CSMD2: variants seen among roughly 807,000 people sequenced by gnomAD.
CSMD2 encodes the protein CUB and sushi domain-containing protein 2.
In CSMD2, 130 loss-of-function variants were observed where a neutral mutation model predicts 398.5. The observed-to-expected ratio is 0.33, with a 90% CI of 0.28 to 0.38. CSMD2 has a LOEUF of 0.38. Ranked by LOEUF, CSMD2 falls within the 10% of genes least tolerant of loss-of-function variation. The probability of loss-of-function intolerance (pLI) is 1.00; values close to 1 mark genes in which losing one functional copy is unlikely to be tolerated. For synonymous variants in CSMD2, 1,828 were observed against 1,908.5 expected, an observed-to-expected ratio of 0.96 and a Z score of 1.10; for missense variants, 3,829 against 4,764.9, an observed-to-expected ratio of 0.80 and a Z score of 5.78.
chr1:33,621,766 G>A (rs1277102678), intron 37 of CSMD2, among the ~76,000 whole-genome samples: 1 of 152,210 alleles, frequency 6.6e-6, no homozygotes, highest in Non-Finnish European at 1.5e-5. Context: ...AAATCTGGTA[G>A]AAGATGAGTG....
rs1360419779 is a variant in CSMD2 at position 33,537,696 on chromosome 1, A to C, written c.9632-87T>G. ...CCACACCCCCATCTTTGTTCTTTGC[A>C]CTGCTCCCTTCCTGGTTGAGCTTGA... On this transcript the variant is annotated intron_variant, in intron 60 of 70. Transcript: ENST00000373381. This position sits in a 1 kb window ranked among gnomAD's most constrained non-coding sequence, Gnocchi z 4.6. 5.8e-6 allele frequency: 8 copies of C among 1,375,440 alleles called. No homozygotes were observed. Among genetic ancestry groups the C allele is most frequent in the Non-Finnish European group, 7.8e-6 (8 of 1,019,908 alleles). The allele number at this position is 1,375,440 out of a possible 1,614,324, so 85.2% of individuals were successfully genotyped here. A position where few individuals can be genotyped will look rare whatever the true frequency, so the allele number is the denominator to read the frequency against.
intron 4 of CSMD2, among the ~76,000 whole-genome samples, chr1:33,934,521 T>C (rs1480803094): frequency 1.3e-5 from 2 of 152,208 alleles, no homozygotes; most frequent in Admixed American, 1.3e-4. Context: ...ATTGATTGTT[T>C]TTCAAAGGTG....
intron 1 of CSMD2, among the ~76,000 whole-genome samples, chr1:34,138,506 A>G (rs1371627263): frequency 6.6e-6 from 1 of 152,218 alleles, no homozygotes; most frequent in Non-Finnish European, 1.5e-5. Flanking sequence ...AGAGACTTCA[A>G]TTAAGATTCT....
chr1:34,091,576 T>C (rs931365506), intron 1 of CSMD2, among the ~76,000 whole-genome samples: 3 of 152,096 alleles, frequency 2.0e-5, no homozygotes, highest in African/African-American at 7.2e-5. Flanking sequence ...AGGGATTAAC[T>C]GACAAAGGAC....
intron 62 of CSMD2, among the ~76,000 whole-genome samples, chr1:33,536,713 A>T (rs572108553): frequency 7.0e-6 from 1 of 142,128 alleles, no homozygotes; most frequent in South Asian, 2.4e-4. Context: ...GGGCACCGTG[A>T]GGACAGAGGT....
chr1:33,537,411 C>A lies in CSMD2; in HGVS notation c.9805+25G>T. The A allele has an allele frequency of 6.3e-7, 1 of 1,592,210 alleles. No homozygotes were observed. The highest frequency in any genetic ancestry group is 1.1e-5 in the South Asian group (1 of 88,678). ...GTCTCCCGCAACCCCAGCCAAGACGCTCCCTGCTCCAGATGACCTCTCACC... is the reference window on the plus strand; with the variant it reads ...GTCTCCCGCAACCCCAGCCAAGACGATCCCTGCTCCAGATGACCTCTCACC... On this transcript the variant is annotated intron_variant, in intron 61 of 70. Coordinates refer to ENST00000373381, the MANE Select transcript of CSMD2 (RefSeq NM_001281956.2). This position sits in a 1 kb window ranked among gnomAD's most constrained non-coding sequence, Gnocchi z 4.6.
intron 5 of CSMD2, among the ~76,000 whole-genome samples, chr1:33,904,992 A>T (rs1642999407): frequency 1.3e-5 from 2 of 151,394 alleles, no homozygotes; most frequent in African/African-American, 4.9e-5. Context: ...TTTTTAAGAG[A>T]CAGGGTCTCC....
At chr1:33,713,905 A>G (rs2149167323) in intron 21 of CSMD2, among the ~76,000 whole-genome samples, 1 of 152,330 alleles carries the variant, frequency 6.6e-6, no homozygotes, top group African/African-American at 2.4e-5. Flanking sequence ...GTATGCCTCA[A>G]CACTGCCTGA....
chr1:33,773,718 C>A (rs1651588576), intron 12 of CSMD2, among the ~76,000 whole-genome samples: 1 of 152,206 alleles, frequency 6.6e-6, no homozygotes, highest in South Asian at 2.1e-4. Context: ...AGAAGGGCGT[C>A]CTGCAGGATA....
chr1:34,054,488 G>A (rs12133541), intron 2 of CSMD2, among the ~76,000 whole-genome samples: 3,804 of 152,212 alleles, frequency 0.025, 92 homozygotes, highest in East Asian at 0.12. Context: ...TTGGGAGGCC[G>A]AGGTGGGCAG....
intron 4 of CSMD2, among the ~76,000 whole-genome samples, chr1:33,918,875 C>T (rs1345527850): frequency 6.6e-6 from 1 of 152,106 alleles, no homozygotes; most frequent in Non-Finnish European, 1.5e-5. Flanking sequence ...GTTGTGATAA[C>T]TGAATTAGAT....
At chr1:33,602,692 G>T in intron 42 of CSMD2, 146 bp from the exon 43 acceptor site, 1 of 658,320 alleles carries the variant, frequency 1.5e-6, no homozygotes, top group Non-Finnish European at 2.5e-6. Context: ...GCCAAGCTGA[G>T]GATGGCTGCA....
chr1:33,960,554 G>A (rs1645321510), intron 3 of CSMD2, among the ~76,000 whole-genome samples: 1 of 152,228 alleles, frequency 6.6e-6, no homozygotes, highest in African/African-American at 2.4e-5. Flanking sequence ...GGCTCATGGT[G>A]TTGTGGGGGA....
At chr1:33,593,912 T>A (rs756544438) in intron 44 of CSMD2, among the ~76,000 whole-genome samples, 3 of 152,200 alleles carry the variant, frequency 2.0e-5, no homozygotes, top group Non-Finnish European at 4.4e-5. Flanking sequence ...TATTAGTGAC[T>A]AAAGTATATG....
At chr1:33,991,566 G>A (rs1410492117) in intron 3 of CSMD2, among the ~76,000 whole-genome samples, 1 of 152,152 alleles carries the variant, frequency 6.6e-6, no homozygotes, top group Admixed American at 6.5e-5. Flanking sequence ...CTTTGCAACA[G>A]GATCAAAGTC....
intron 4 of CSMD2, among the ~76,000 whole-genome samples, chr1:33,921,519 C>T (rs771582896): frequency 6.6e-6 from 1 of 152,170 alleles, no homozygotes; most frequent in Non-Finnish European, 1.5e-5. Context: ...CTGTCTTCGC[C>T]CTGGGCACAA....
At chr1:33,846,671 C>T (rs1424508938) in intron 6 of CSMD2, among the ~76,000 whole-genome samples, 1 of 152,172 alleles carries the variant, frequency 6.6e-6, no homozygotes, top group Non-Finnish European at 1.5e-5. Flanking sequence ...GCAGCTCCAG[C>T]TACATAATTT....
chr1:33,877,410 G>T (rs1206018269), intron 5 of CSMD2, among the ~76,000 whole-genome samples: 1 of 152,114 alleles, frequency 6.6e-6, no homozygotes, highest in Non-Finnish European at 1.5e-5. Flanking sequence ...TGAGGGCCTG[G>T]AACTCACAGC....
rs1016831248 is a variant in CSMD2, at chr1:34,164,402, T to C, written c.187+509A>G. Among the ~76,000 whole-genome samples the C allele has an allele frequency of 1.3e-5, 2 of 151,558 alleles. No individual in the cohort carries two copies. The highest frequency in any genetic ancestry group is 4.9e-5 in the African/African-American group (2 of 41,232). On this transcript the variant is annotated intron_variant, in intron 1 of 70. Coordinates refer to ENST00000373381, the MANE Select transcript of CSMD2 (RefSeq NM_001281956.2). This position sits in a 1 kb window ranked among gnomAD's most constrained non-coding sequence, Gnocchi z 6.2. ...CAGTCGGTTCCAGAGGGGGCACCGG[T>C]TTCAATTGGAGAAAATGGGCGGGGG...
Sources: allele counts gnomAD v4.1 joint callset (sites outside exome capture counted in the v4.1 genomes callset), GRCh38; gene constraint gnomAD v4.1.1; non-coding constraint Gnocchi (gnomAD v3.1); transcripts MANE v1.5; gene names NCBI Gene and HGNC (gene_info 2026-07-23, HGNC 2026-07-21).